Variants in KMT5B observed in about 807,000 individuals in gnomAD.
KMT5B encodes histone-lysine N-methyltransferase KMT5B.
A neutral mutation model predicts 83.2 loss-of-function variants in KMT5B; 10 were observed. The observed-to-expected ratio is 0.12, with a 90% CI of 0.07 to 0.20. The LOEUF (loss-of-function observed/expected upper bound fraction) is 0.20. Ranked by LOEUF, KMT5B falls within the 10% of genes least tolerant of loss-of-function variation. The probability of loss-of-function intolerance (pLI) is 1.00; values close to 1 mark genes in which losing one functional copy is unlikely to be tolerated. For synonymous variants in KMT5B, 349 were observed against 388.8 expected (o/e 0.90, Z 1.20); for missense variants, 753 against 1,067.2 (o/e 0.71, Z 4.10).
chr11:68,202,050 G>C (rs1355166373), intron 1 of KMT5B, among the ~76,000 whole-genome samples: 1 of 152,140 alleles, frequency 6.6e-6, no homozygotes, highest in Non-Finnish European at 1.5e-5. Context: ...CTAGGTGATA[G>C]AGCAAGACTC....
At chr11:68,163,279 G>A (rs1196469569) in intron 10 of KMT5B, among the ~76,000 whole-genome samples, 1 of 152,202 alleles carries the variant, frequency 6.6e-6, no homozygotes, top group Non-Finnish European at 1.5e-5. Flanking sequence ...GCCGTTGGAA[G>A]GGAAAGCGAT....
intron 1 of KMT5B, among the ~76,000 whole-genome samples, chr11:68,194,627 A>C (rs927696816): frequency 5.9e-5 from 9 of 152,306 alleles, no homozygotes; most frequent in African/African-American, 1.7e-4. Flanking sequence ...CCATCTCACA[A>C]AAGTAAAAGC....
chr11:68,171,843 G>A lies in KMT5B; in HGVS notation c.654-134C>T. ...TGTCTATACTTTAGTTAGCTCACTGGGATCCCCACCTGGCTATCTTCTCTC... is the reference window on the plus strand; with the variant it reads ...TGTCTATACTTTAGTTAGCTCACTGAGATCCCCACCTGGCTATCTTCTCTC... On this transcript the variant is annotated intron_variant, in intron 6 of 10. Coordinates refer to ENST00000304363, the MANE Select transcript of KMT5B (RefSeq NM_017635.5). The surrounding 1 kb of genome is among the most constrained non-coding windows in gnomAD (Gnocchi z 5.1). 3 of 696,162 alleles carry A rather than the reference G, an allele frequency of 4.3e-6. No individual in the cohort carries two copies. The highest frequency in any genetic ancestry group is 3.0e-5 in the Admixed American group (1 of 33,146). 43.1% of individuals were successfully genotyped at this position (696,162 alleles called of 1,614,324 possible).
intron 3 of KMT5B, among the ~76,000 whole-genome samples, chr11:68,184,677 C>T (rs1287435096): frequency 6.6e-6 from 1 of 152,192 alleles, no homozygotes; most frequent in Non-Finnish European, 1.5e-5. Flanking sequence ...AAGTGATGGG[C>T]CAGAACTAGC....
intron 9 of KMT5B, among the ~76,000 whole-genome samples, chr11:68,168,773 C>T (rs762413381): frequency 1.3e-5 from 2 of 152,212 alleles, no homozygotes; most frequent in East Asian, 1.9e-4. Flanking sequence ...TCTCTGCACA[C>T]GTGATTCCGT....
At chr11:68,201,312 C>A (rs1859415334) in intron 1 of KMT5B, among the ~76,000 whole-genome samples, 1 of 152,126 alleles carries the variant, frequency 6.6e-6, no homozygotes, top group African/African-American at 2.4e-5. Context: ...CAGAAAAAAA[C>A]TGAAAACCTT....
chr11:68,207,920 A>G (rs1203389655), intron 1 of KMT5B, among the ~76,000 whole-genome samples: 1 of 150,000 alleles, frequency 6.7e-6, no homozygotes, highest in Non-Finnish European at 1.5e-5. Context: ...GCTCACTGCA[A>G]CCTCTGCCTC....
rs1859488103 is a variant in KMT5B, at chr11:68,158,723, T to C, written c.1623A>G (p.Ser541=). 1 of 1,614,046 alleles carries C rather than the reference T, an allele frequency of 6.2e-7. No homozygotes were observed. Among genetic ancestry groups the C allele is most frequent in the South Asian group, 1.1e-5 (1 of 91,088 alleles). ...CCTTCAGATTTGTTCTTGTCCTCAC[T>C]GACCGCCGAGTTATGTAGGTGCAGG... ...SSPCTYITRR[S]VRTRTNLKEA... is the part of the protein sequence containing the mutation. Residue 541 remains serine, a synonymous_variant, in exon 11 of 11, where the codon TCA becomes TCG. Transcript: ENST00000304363.
intron 4 of KMT5B, among the ~76,000 whole-genome samples, chr11:68,177,639 T>C (rs769684726): frequency 6.6e-6 from 1 of 152,120 alleles, no homozygotes; most frequent in Non-Finnish European, 1.5e-5. Flanking sequence ...AGCTGAACCA[T>C]CTGAAAGTTC....
chr11:68,166,341 C>T, intron 10 of KMT5B: 2 of 1,041,094 alleles, frequency 1.9e-6, no homozygotes, highest in Non-Finnish European at 2.3e-6. Flanking sequence ...AGATCTTGCC[C>T]CCACACACCA....
chr11:68,188,026 CTTTTTTTTT>C (rs1168742073), intron 2 of KMT5B, among the ~76,000 whole-genome samples: 1 of 139,434 alleles, frequency 7.2e-6, no homozygotes, highest in Non-Finnish European at 1.6e-5. Context: ...TTTCCTTTTT[CTTTTTTTTT>C]TTTTTTTGAG....
chr11:68,198,936 A>G (rs974875953), intron 1 of KMT5B, among the ~76,000 whole-genome samples: 2 of 152,186 alleles, frequency 1.3e-5, no homozygotes, highest in East Asian at 1.9e-4. Flanking sequence ...TCACCGTGTT[A>G]GCCAGGCTGG....
chr11:68,165,662 A>T lies in KMT5B; in HGVS notation c.1174+1320T>A, dbSNP rs955378912. The T allele has an allele frequency of 1.3e-5, 16 of 1,206,410 alleles. No individual in the cohort carries two copies. The Admixed American group carries it at 1.7e-4, about 13-fold the overall frequency. 74.7% of individuals were successfully genotyped at this position (1,206,410 alleles called of 1,614,324 possible). A position where few individuals can be genotyped will look rare whatever the true frequency, so the allele number is the denominator to read the frequency against. ...TAAGTGTTTTTATGTCTGCATTTAT[A>T]AAATGGGCTTCACAAGTCTCCAGTT... is the stretch of plus-strand genomic sequence containing the variant. On this transcript the variant is annotated intron_variant, in intron 10 of 10. Transcript: ENST00000304363.
rs1165277074 is a variant in KMT5B, at chr11:68,213,215, C to G, written c.-154G>C. The G allele has an allele frequency of 6.9e-6, 1 of 145,348 alleles. No individual in the cohort carries two copies. Among genetic ancestry groups the G allele is most frequent in the African/African-American group, 2.5e-5 (1 of 40,330 alleles). The allele number at this position is 145,348 out of a possible 1,614,324, so 9.0% of individuals were successfully genotyped here. On this transcript the variant is annotated 5_prime_UTR_variant, in exon 1 of 11. Coordinates refer to ENST00000304363, the MANE Select transcript of KMT5B (RefSeq NM_017635.5). ...GCCGCTGCGATGCGGGGCCGCGCCG[C>G]CGGGCCCCGCGTCCCAGTCCCCCCC... is the stretch of plus-strand genomic sequence containing the variant.
chr11:68,167,883 CAA>C (rs907197840), intron 9 of KMT5B, among the ~76,000 whole-genome samples: 1 of 152,048 alleles, frequency 6.6e-6, no homozygotes, highest in African/African-American at 2.4e-5. Flanking sequence ...TAAATTTTAC[CAA>C]AGTGGGCCAG....
intron 6 of KMT5B, among the ~76,000 whole-genome samples, chr11:68,172,901 T>C (rs1590960456): frequency 6.6e-6 from 1 of 152,280 alleles, no homozygotes; most frequent in East Asian, 1.9e-4. Flanking sequence ...CAAATTTTTG[T>C]GGTAGAAATA....
chr11:68,180,136 C>T lies in KMT5B; in HGVS notation c.373G>A (p.Val125Met). Residue 125 changes from valine to methionine, a missense_variant, in exon 4 of 11, where the codon GTG becomes ATG. Transcript: ENST00000304363. ...KSDSFSHNNP[V>M]RFRPIKGRQE... ...TTTTTAACACACACTACCTACCTCACAGGGTTGTTGTGAGAAAAACTGTCA... is the reference window on the plus strand; with the variant it reads ...TTTTTAACACACACTACCTACCTCATAGGGTTGTTGTGAGAAAAACTGTCA... The T allele has an allele frequency of 6.3e-7, 1 of 1,584,640 alleles. No individual in the cohort carries two copies. Among genetic ancestry groups the T allele is most frequent in the Non-Finnish European group, 8.6e-7 (1 of 1,158,906 alleles).
Position 68,180,237 on chromosome 11 carries a change from G to C in KMT5B, c.309-37C>G, listed in dbSNP as rs142444700. On this transcript the variant is annotated intron_variant, in intron 3 of 10. Coordinates refer to ENST00000304363, the MANE Select transcript of KMT5B (RefSeq NM_017635.5). ...CAAAAACAAACAACAAAAATAAAAA[G>C]CTATTTGTATAATCTGTACTTGTAA... is the stretch of plus-strand genomic sequence containing the variant. The C allele has an allele frequency of 9.1e-5, 140 of 1,541,592 alleles. No individual in the cohort carries two copies. In the East Asian group the frequency reaches 3.1e-3, roughly 34 times the overall value.
intron 4 of KMT5B, among the ~76,000 whole-genome samples, chr11:68,178,254 T>C (rs1856568558): frequency 6.6e-6 from 1 of 152,234 alleles, no homozygotes; most frequent in South Asian, 2.1e-4. Context: ...CTATTTTTAA[T>C]AGGCTTTATG....
Sources: allele counts gnomAD v4.1 joint callset (sites outside exome capture counted in the v4.1 genomes callset), GRCh38; gene constraint gnomAD v4.1.1; non-coding constraint Gnocchi (gnomAD v3.1); transcripts MANE v1.5; gene names NCBI Gene and HGNC (gene_info 2026-07-23, HGNC 2026-07-21).